KIAA0825: variants seen among roughly 807,000 people sequenced by gnomAD.
The protein encoded by KIAA0825 is uncharacterized protein KIAA0825.
Under a neutral mutation model 147.6 loss-of-function variants are expected in KIAA0825, and 119 were observed. That is an observed-to-expected ratio of 0.81 (90% CI 0.69 to 0.94). The LOEUF (loss-of-function observed/expected upper bound fraction) is 0.94, where lower values mean the gene tolerates loss of function less well. Among genes scored for constraint, KIAA0825 ranks in the 40% least tolerant of loss-of-function variants. KIAA0825 has a pLI of 0.00. For missense variants in KIAA0825, 1,381 were observed against 1,472.7 expected (o/e 0.94, Z 1.02); for synonymous variants, 470 against 518.1 (o/e 0.91, Z 1.26).
chr5:94,253,433 G>A (rs1045251604), intron 20 of KIAA0825, among the ~76,000 whole-genome samples: 11 of 152,108 alleles, frequency 7.2e-5, no homozygotes, highest in Non-Finnish European at 4.4e-5. Flanking sequence ...TTGTGCAGAC[G>A]CAGTATTCAT....
At chr5:94,175,073 T>C (rs1463041410) in intron 20 of KIAA0825, among the ~76,000 whole-genome samples, 5 of 152,198 alleles carry the variant, frequency 3.3e-5, no homozygotes, top group African/African-American at 9.6e-5. Context: ...AGCACTCTCA[T>C]TGCAGAATTG....
intron 5 of KIAA0825, among the ~76,000 whole-genome samples, chr5:94,512,595 T>TAAAAAAA (rs557790918): frequency 7.8e-6 from 1 of 128,212 alleles, no homozygotes. Context: ...GATCCTGTCT[T>TAAAAAAA]AAAAAAAAAA....
intron 3 of KIAA0825, among the ~76,000 whole-genome samples, chr5:94,534,984 A>G (rs1771666825): frequency 6.6e-6 from 1 of 152,178 alleles, no homozygotes; most frequent in Admixed American, 6.5e-5. Context: ...ATAACATGAA[A>G]GATATAAATA....
chr5:94,301,987 G>A (rs1286916313), intron 20 of KIAA0825, among the ~76,000 whole-genome samples: 1 of 152,066 alleles, frequency 6.6e-6, no homozygotes, highest in African/African-American at 2.4e-5. Flanking sequence ...TCTGAAAACT[G>A]TATTCACCGA....
chr5:94,387,982 A>T (rs1749390644), intron 18 of KIAA0825, among the ~76,000 whole-genome samples: 1 of 152,176 alleles, frequency 6.6e-6, no homozygotes, highest in African/African-American at 2.4e-5. Flanking sequence ...GTTAACAATC[A>T]TCGTTTTTGA....
chr5:94,208,715 A>G (rs1772431629), intron 20 of KIAA0825, among the ~76,000 whole-genome samples: 1 of 152,198 alleles, frequency 6.6e-6, no homozygotes, highest in Admixed American at 6.5e-5. Context: ...GAGGAATTCT[A>G]GATGAAGGGC....
intron 3 of KIAA0825, among the ~76,000 whole-genome samples, chr5:94,533,737 A>G (rs1771403089): frequency 6.6e-6 from 1 of 152,128 alleles, no homozygotes; most frequent in Non-Finnish European, 1.5e-5. Flanking sequence ...CATGTTATTT[A>G]CCTCTTGTTA....
intron 5 of KIAA0825, among the ~76,000 whole-genome samples, chr5:94,504,589 T>C (rs2151132558): frequency 1.3e-5 from 2 of 152,294 alleles, no homozygotes; most frequent in Middle Eastern, 3.4e-3. Context: ...TTTATCTTAG[T>C]GTGTGTAAAT....
At chr5:94,289,311 G>A (rs1250197389) in intron 20 of KIAA0825, among the ~76,000 whole-genome samples, 6 of 151,952 alleles carry the variant, frequency 3.9e-5, no homozygotes, top group Non-Finnish European at 2.9e-5. Context: ...AGAGGTGGGC[G>A]GATCACCTGA....
intron 20 of KIAA0825, among the ~76,000 whole-genome samples, chr5:94,228,472 C>T (rs1375446316): frequency 6.6e-6 from 1 of 152,170 alleles, no homozygotes; most frequent in Non-Finnish European, 1.5e-5. Context: ...AGGACTCAGG[C>T]TTCCTCCCAC....
intron 5 of KIAA0825, among the ~76,000 whole-genome samples, chr5:94,498,260 T>A (rs1764611525): frequency 6.6e-6 from 1 of 152,210 alleles, no homozygotes; most frequent in African/African-American, 2.4e-5. Context: ...AGTTTTTGTA[T>A]GCCCAGCACT....
At chr5:94,564,926 ATCCTTCCCTTCCC>A (rs1778326891) in intron 2 of KIAA0825, among the ~76,000 whole-genome samples, 1 of 123,172 alleles carries the variant, frequency 8.1e-6, no homozygotes, top group African/African-American at 3.1e-5. Flanking sequence ...TTTTCCTTCC[ATCCTTCCCTTCCC>A]TCCCTCCCTT....
chr5:94,604,324 G>T (rs1314376885), intron 1 of KIAA0825, among the ~76,000 whole-genome samples: 1 of 152,128 alleles, frequency 6.6e-6, no homozygotes, highest in Non-Finnish European at 1.5e-5. Context: ...GGCCAAGATG[G>T]GTGGATCTCC....
intron 5 of KIAA0825, among the ~76,000 whole-genome samples, chr5:94,513,108 A>G (rs527589096): frequency 1.3e-5 from 2 of 152,288 alleles, no homozygotes; most frequent in African/African-American, 4.8e-5. Flanking sequence ...AAGTTTGTTC[A>G]CTTTTAGTAT....
intron 1 of KIAA0825, among the ~76,000 whole-genome samples, chr5:94,599,837 C>T (rs919795522): frequency 3.3e-5 from 5 of 152,066 alleles, no homozygotes; most frequent in South Asian, 2.1e-4. Context: ...AATGGAATGC[C>T]GCAGAGGTTT....
At chr5:94,413,862 T>C (rs1231727769) in intron 15 of KIAA0825, 2 of 152,180 alleles carry the variant, frequency 1.3e-5, no homozygotes, top group Non-Finnish European at 2.9e-5. Context: ...GAATACATGA[T>C]TAGTTACAAC....
chr5:94,246,942 A>T (rs913914798), intron 20 of KIAA0825, among the ~76,000 whole-genome samples: 1 of 152,204 alleles, frequency 6.6e-6, no homozygotes, highest in African/African-American at 2.4e-5. Flanking sequence ...ACAGTTTGGA[A>T]GGAAAGTGGA....
chr5:94,162,568 TA>T (rs995158528), intron 20 of KIAA0825, among the ~76,000 whole-genome samples: 1 of 152,160 alleles, frequency 6.6e-6, no homozygotes, highest in Non-Finnish European at 1.5e-5. Flanking sequence ...ATTGGGATTA[TA>T]AGTGTCAGCT....
chr5:94,335,471 A>T (rs1695768433), intron 20 of KIAA0825, among the ~76,000 whole-genome samples: 1 of 152,074 alleles, frequency 6.6e-6, no homozygotes, highest in Non-Finnish European at 1.5e-5. Flanking sequence ...CATATAAAGA[A>T]AATATTAATT....
Sources: allele counts gnomAD v4.1 joint callset (sites outside exome capture counted in the v4.1 genomes callset), GRCh38; gene constraint gnomAD v4.1.1; transcripts MANE v1.5; gene names NCBI Gene and HGNC (gene_info 2026-07-23, HGNC 2026-07-21).